The following GREB1L variants were observed in gnomAD, a reference collection of about 807,000 sequenced individuals.
GREB1L encodes the protein GREB1-like protein.
In GREB1L, 17 loss-of-function variants were observed where a neutral mutation model predicts 200.8. The observed-to-expected ratio is 0.08, with a 90% CI of 0.06 to 0.13. The LOEUF is 0.13. Ranked by LOEUF, GREB1L falls within the 10% of genes least tolerant of loss-of-function variation. The probability of loss-of-function intolerance (pLI) is 1.00; values close to 1 mark genes in which losing one functional copy is unlikely to be tolerated. For synonymous variants in GREB1L, 789 were observed against 893.0 expected (o/e 0.88, Z 2.08); for missense variants, 1,657 against 2,367.7 (o/e 0.70, Z 6.23).
chr18:21,298,580 C>T (rs559725110), intron 1 of GREB1L, among the ~76,000 whole-genome samples: 3 of 152,054 alleles, frequency 2.0e-5, no homozygotes, highest in African/African-American at 7.2e-5. Context: ...GGATTTGTGA[C>T]TTTATAAAAT....
At chr18:21,456,104 C>T (rs146203262) in intron 15 of GREB1L, among the ~76,000 whole-genome samples, 2 of 152,010 alleles carry the variant, frequency 1.3e-5, no homozygotes, top group Non-Finnish European at 2.9e-5. Flanking sequence ...CAGGGTTTCA[C>T]TATATTGGCC....
At chr18:21,251,721 C>T (rs2037707653) in intron 1 of GREB1L, among the ~76,000 whole-genome samples, 1 of 152,072 alleles carries the variant, frequency 6.6e-6, no homozygotes, top group African/African-American at 2.4e-5. Flanking sequence ...CCAAGGTGGG[C>T]AGATCACAAG....
chr18:21,428,700 C>T (rs1448566880), intron 7 of GREB1L, among the ~76,000 whole-genome samples: 11 of 119,136 alleles, frequency 9.2e-5, no homozygotes, highest in African/African-American at 3.3e-4. Flanking sequence ...GGCATGATCG[C>T]GGTTTATCTC....
intron 15 of GREB1L, among the ~76,000 whole-genome samples, chr18:21,458,758 C>T (rs978771193): frequency 2.2e-4 from 33 of 152,104 alleles, no homozygotes; most frequent in African/African-American, 7.0e-4. Context: ...TTTAAGTTTG[C>T]GTAACGTAGA....
At chr18:21,445,692 A>C (rs1178185609) in intron 11 of GREB1L, among the ~76,000 whole-genome samples, 1 of 152,104 alleles carries the variant, frequency 6.6e-6, no homozygotes, top group Admixed American at 6.6e-5. Flanking sequence ...CTTGACTAGA[A>C]CTCTGTGCCC....
intron 7 of GREB1L, among the ~76,000 whole-genome samples, chr18:21,418,552 A>G (rs1438343379): frequency 1.3e-5 from 2 of 152,022 alleles, no homozygotes; most frequent in Non-Finnish European, 2.9e-5. Flanking sequence ...GAGACAGAGT[A>G]TCACTCTGTT....
At chr18:21,314,105 A>T (rs1290751444) in intron 1 of GREB1L, among the ~76,000 whole-genome samples, 1 of 152,200 alleles carries the variant, frequency 6.6e-6, no homozygotes, top group East Asian at 1.9e-4. Flanking sequence ...GTACCTAGGA[A>T]TTATTTGTCT....
chr18:21,503,876 C>CCAAT (rs1238760349), intron 23 of GREB1L, among the ~76,000 whole-genome samples: 1 of 151,458 alleles, frequency 6.6e-6, no homozygotes, highest in African/African-American at 2.4e-5. Context: ...CTGCACCTGG[C>CCAAT]CAATCATAAA....
intron 7 of GREB1L, among the ~76,000 whole-genome samples, chr18:21,414,462 G>T (rs2031420764): frequency 6.6e-6 from 1 of 152,106 alleles, no homozygotes; most frequent in South Asian, 2.1e-4. Flanking sequence ...CAAATGTATA[G>T]GTTAGTAGAA....
At chr18:21,366,522 AACACT>A (rs2039684775) in intron 2 of GREB1L, among the ~76,000 whole-genome samples, 1 of 152,170 alleles carries the variant, frequency 6.6e-6, no homozygotes, top group Non-Finnish European at 1.5e-5. Context: ...TGTCTCATAT[AACACT>A]ATCCTGAGAT....
intron 1 of GREB1L, among the ~76,000 whole-genome samples, chr18:21,335,640 A>C (rs1443871491): frequency 6.6e-6 from 1 of 151,760 alleles, no homozygotes; most frequent in South Asian, 2.1e-4. Flanking sequence ...GATTATAGCT[A>C]TAATGTGTTT....
At chr18:21,520,105 T>G (rs2037561206) in intron 31 of GREB1L, among the ~76,000 whole-genome samples, 1 of 151,978 alleles carries the variant, frequency 6.6e-6, no homozygotes, top group Admixed American at 6.6e-5. Flanking sequence ...CCTGGCTAAT[T>G]TTTTTTGTAT....
At chr18:21,260,531 G>A (rs902608353) in intron 1 of GREB1L, among the ~76,000 whole-genome samples, 6 of 151,978 alleles carry the variant, frequency 3.9e-5, no homozygotes, top group Non-Finnish European at 8.8e-5. Flanking sequence ...GCTCCTCACA[G>A]TAGCTGGTTT....
chr18:21,469,871 G>C (rs948242348), intron 15 of GREB1L, among the ~76,000 whole-genome samples: 1 of 151,964 alleles, frequency 6.6e-6, no homozygotes, highest in African/African-American at 2.4e-5. Flanking sequence ...TATTAACAAA[G>C]AAATTCTTAA....
chr18:21,384,239 A>G lies in GREB1L; in HGVS notation c.191A>G (p.Asp64Gly). 1.3e-6 allele frequency: 2 copies of G among 1,551,396 alleles called. No homozygotes were observed. Among genetic ancestry groups the G allele is most frequent in the Non-Finnish European group, 1.7e-6 (2 of 1,146,750 alleles). Residue 64 changes from aspartate to glycine, a missense_variant, in exon 4 of 33, where the codon GAT becomes GGT. Transcript: ENST00000424526. ...CCCAAGGTGGAGGATCTGGACAAAG[A>G]TTTGGTAAACCGCTACACTCAAAAT... The part of the protein sequence containing the change: ...VKPKVEDLDK[D>G]LVNRYTQNGS...
chr18:21,371,182 T>C (rs1289003992), intron 2 of GREB1L, among the ~76,000 whole-genome samples: 1 of 152,198 alleles, frequency 6.6e-6, no homozygotes, highest in African/African-American at 2.4e-5. Flanking sequence ...ATGTGGCTAG[T>C]GGCTACCATA....
At chr18:21,381,301 G>A (rs779705366) in intron 2 of GREB1L, among the ~76,000 whole-genome samples, 3 of 151,768 alleles carry the variant, frequency 2.0e-5, no homozygotes, top group Admixed American at 1.3e-4. Flanking sequence ...CCAGCTACTC[G>A]GGAGGCTGAG....
chr18:21,311,096 T>A (rs2038782854), intron 1 of GREB1L, among the ~76,000 whole-genome samples: 1 of 152,002 alleles, frequency 6.6e-6, no homozygotes, highest in African/African-American at 2.4e-5. Context: ...ATAAACTACT[T>A]TAACACTTGG....
chr18:21,343,765 T>G (rs1298162945), intron 1 of GREB1L, among the ~76,000 whole-genome samples: 1 of 141,614 alleles, frequency 7.1e-6, no homozygotes, highest in Admixed American at 7.3e-5. Flanking sequence ...AGACAGAGTC[T>G]CGCTCTGTCA....
Sources: gnomAD v4.1 joint callset for allele counts (sites outside exome capture counted in the v4.1 genomes callset) on GRCh38, gnomAD v4.1.1 for gene constraint, MANE v1.5 for transcripts, NCBI Gene and HGNC (gene_info 2026-07-23, HGNC 2026-07-21) for gene names.